Variants in OPCML observed in about 807,000 individuals in gnomAD.
OPCML encodes the protein opioid-binding protein/cell adhesion molecule.
A neutral mutation model predicts 37.8 loss-of-function variants in OPCML; 13 were observed. The observed-to-expected ratio is 0.34, with a 90% confidence interval of 0.22 to 0.55. OPCML has a LOEUF of 0.55. Among genes scored for constraint, OPCML ranks in the 20% least tolerant of loss-of-function variants. The pLI, the probability that OPCML is intolerant of heterozygous loss-of-function variation, is 0.91. For synonymous variants in OPCML, 176 were observed against 168.8 expected, an observed-to-expected ratio of 1.04 and a Z score of -0.33; for missense variants, 341 against 435.6, an observed-to-expected ratio of 0.78 and a Z score of 1.93.
At position 133,532,335 on chromosome 11, in the gene OPCML, C is replaced by A. The variant is rs758753834; in HGVS notation, c.-11G>T. The A allele has an allele frequency of 2.5e-6, 4 of 1,612,618 alleles. No homozygotes were observed. Among genetic ancestry groups the A allele is most frequent in the Non-Finnish European group, 3.4e-6 (4 of 1,179,386 alleles). ...GGCAGGATGGTACATCTCGACGCTG[C>A]GGTGCTCTCAGCTGCCGGGCTTGCT... On this transcript the variant is annotated 5_prime_UTR_variant, in exon 1 of 8. Coordinates refer to ENST00000524381, the MANE Select transcript of OPCML (RefSeq NM_001012393.5).
chr11:133,286,277 C>T (rs1160337712), intron 1 of OPCML, among the ~76,000 whole-genome samples: 1 of 151,858 alleles, frequency 6.6e-6, no homozygotes, highest in Non-Finnish European at 1.5e-5. Flanking sequence ...AGTGAAAACC[C>T]GTCTCTACTA....
At chr11:132,532,230 C>T (rs539299784) in intron 3 of OPCML, among the ~76,000 whole-genome samples, 2 of 152,136 alleles carry the variant, frequency 1.3e-5, no homozygotes, top group East Asian at 1.9e-4. Flanking sequence ...AAGATGTTCC[C>T]TCTAAGCCCA....
intron 1 of OPCML, among the ~76,000 whole-genome samples, chr11:133,454,419 G>T (rs182370422): frequency 1.2e-3 from 187 of 152,258 alleles, no homozygotes; most frequent in African/African-American, 4.3e-3. Context: ...AATAAACACA[G>T]GCATGATCTA....
intron 2 of OPCML, among the ~76,000 whole-genome samples, chr11:132,727,972 G>T (rs1009308298): frequency 5.9e-5 from 9 of 152,282 alleles, no homozygotes; most frequent in Middle Eastern, 3.4e-3. Context: ...AAGGGCAGTG[G>T]GGTTTGTCCT....
chr11:132,839,085 G>T (rs972757754), intron 2 of OPCML, among the ~76,000 whole-genome samples: 1 of 152,162 alleles, frequency 6.6e-6, no homozygotes, highest in Non-Finnish European at 1.5e-5. Context: ...CCCAAACACC[G>T]CATTTTCCTC....
At chr11:132,871,228 GAC>G (rs1381044683) in intron 2 of OPCML, among the ~76,000 whole-genome samples, 2 of 143,870 alleles carry the variant, frequency 1.4e-5, no homozygotes, top group Non-Finnish European at 3.0e-5. Context: ...AAAAAAAAAA[GAC>G]AGTCAGCCCT....
At chr11:133,522,911 C>A (rs1453506559) in intron 1 of OPCML, among the ~76,000 whole-genome samples, 1 of 152,236 alleles carries the variant, frequency 6.6e-6, no homozygotes, top group African/African-American at 2.4e-5. Context: ...CCATAGATGC[C>A]ACTCTCTGCT....
Position 132,415,443 on chromosome 11 carries a change from C to T in OPCML, c.*4750G>A, listed in dbSNP as rs899240435. On this transcript the variant is annotated 3_prime_UTR_variant, in exon 8 of 8. Coordinates refer to ENST00000524381, the MANE Select transcript of OPCML (RefSeq NM_001012393.5). ...GAAAATTTCCGAACGATTAAAAATG[C>T]TCCCTTTAACTAACACAAGGGCAGC... The T allele has an allele frequency of 3.3e-5, 5 of 152,200 alleles. No individual in the cohort carries two copies. Among genetic ancestry groups the T allele is most frequent in the African/African-American group, 1.2e-4 (5 of 41,450 alleles). The allele number at this position is 152,200 out of a possible 1,614,324, so 9.4% of individuals were successfully genotyped here.
At chr11:132,708,568 G>A (rs1373645392) in intron 2 of OPCML, among the ~76,000 whole-genome samples, 1 of 152,154 alleles carries the variant, frequency 6.6e-6, no homozygotes, top group Non-Finnish European at 1.5e-5. Context: ...AGACCAAGTA[G>A]GTAACACAGG....
rs182433803 is a variant in OPCML, at chr11:133,335,686, C to T, written c.61+196578G>A. Among the ~76,000 whole-genome samples, 3 of 152,298 alleles carry T rather than the reference C, an allele frequency of 2.0e-5. No individual in the cohort carries two copies. In the East Asian group the frequency reaches 5.8e-4, roughly 29 times the overall value. The stretch of plus-strand genomic sequence containing the variant: ...AAGTCTTTGACATCATCCTCACTCT[C>T]ATTCCAAATCTCCTTAAGACAGTGT... On this transcript the variant is annotated intron_variant, in intron 1 of 7. Transcript: ENST00000524381.
intron 1 of OPCML, among the ~76,000 whole-genome samples, chr11:133,019,122 GACACA>G (rs1947399873): frequency 1.3e-5 from 2 of 152,158 alleles, no homozygotes; most frequent in African/African-American, 2.4e-5. Context: ...TTGTTTCCTG[GACACA>G]TGACACCTGG....
At chr11:132,990,671 T>C (rs192090181) in intron 1 of OPCML, among the ~76,000 whole-genome samples, 239 of 152,308 alleles carry the variant, frequency 1.6e-3, no homozygotes, top group Non-Finnish European at 1.7e-3. Flanking sequence ...TAATATTGAT[T>C]GAATACACTT....
At chr11:133,232,182 C>A (rs149668936) in intron 1 of OPCML, among the ~76,000 whole-genome samples, 5 of 152,046 alleles carry the variant, frequency 3.3e-5, no homozygotes, top group African/African-American at 1.2e-4. Context: ...CCAGTGGCTC[C>A]CCAGATGTCC....
At chr11:132,514,068 G>T (rs1315304487) in intron 4 of OPCML, among the ~76,000 whole-genome samples, 3 of 152,158 alleles carry the variant, frequency 2.0e-5, no homozygotes, top group African/African-American at 7.2e-5. Context: ...TCTGTGTAAA[G>T]TGTGTATGGT....
chr11:132,983,332 T>A (rs947327355), intron 1 of OPCML, among the ~76,000 whole-genome samples: 1 of 152,256 alleles, frequency 6.6e-6, no homozygotes, highest in Non-Finnish European at 1.5e-5. Context: ...CCAGGCCTGG[T>A]GCCAACTCCA....
At chr11:133,191,496 T>TGTGTGTGG (rs1030445966) in intron 1 of OPCML, among the ~76,000 whole-genome samples, 5 of 118,178 alleles carry the variant, frequency 4.2e-5, no homozygotes, top group Non-Finnish European at 7.0e-5. Context: ...TTCTTTTCTG[T>TGTGTGTGG]GTGTGTGGGT....
At chr11:132,668,176 GTC>G (rs760108310) in intron 2 of OPCML, among the ~76,000 whole-genome samples, 3 of 152,162 alleles carry the variant, frequency 2.0e-5, no homozygotes, top group Non-Finnish European at 4.4e-5. Context: ...ATGAGCAATA[GTC>G]ACCCTTGTCA....
intron 2 of OPCML, among the ~76,000 whole-genome samples, chr11:132,826,814 T>C (rs1427432219): frequency 6.6e-6 from 1 of 152,194 alleles, no homozygotes; most frequent in Non-Finnish European, 1.5e-5. Context: ...TAAGAAGCTA[T>C]AGGATTGAAA....
chr11:133,376,493 A>C (rs1262173333), intron 1 of OPCML, among the ~76,000 whole-genome samples: 1 of 152,200 alleles, frequency 6.6e-6, no homozygotes, highest in Non-Finnish European at 1.5e-5. Context: ...ACAAAAATAT[A>C]ATAAAGTTGT....
Sources: allele counts gnomAD v4.1 joint callset (sites outside exome capture counted in the v4.1 genomes callset), GRCh38; gene constraint gnomAD v4.1.1; transcripts MANE v1.5; gene names NCBI Gene and HGNC (gene_info 2026-07-23, HGNC 2026-07-21).